SLC67A1: variants seen among roughly 807,000 people sequenced by gnomAD.
The protein encoded by SLC67A1 is solute carrier family 67 member 1.
chr11:2,921,248 A>AC, the SLC67A1 span: 2 of 147,216 alleles, frequency 1.4e-5, no homozygotes, highest in Non-Finnish European at 3.0e-5. Context: ...AAAAAAAAAA[A>AC]GGTGTTAAAA....
At chr11:2,904,417 C>T in the SLC67A1 span, among the ~76,000 whole-genome samples, 1 of 152,254 alleles carries the variant, frequency 6.6e-6, no homozygotes, top group Non-Finnish European at 1.5e-5. Context: ...CCCGCCCACT[C>T]CTGCTAAATG....
At chr11:2,912,208 G>A in the SLC67A1 span, among the ~76,000 whole-genome samples, 1 of 152,218 alleles carries the variant, frequency 6.6e-6, no homozygotes, top group African/African-American at 2.4e-5. Context: ...GGAGGGCTGC[G>A]GGGTTGACCT....
At chr11:2,917,807 A>C in the SLC67A1 span, among the ~76,000 whole-genome samples, 6,634 of 152,306 alleles carry the variant, frequency 0.044, 210 homozygotes, top group South Asian at 0.11. Context: ...GCGGTGCCCA[A>C]CCTGGCAGCT....
At chr11:2,908,335 A>AGTGT in the SLC67A1 span, 4 of 1,573,892 alleles carry the variant, frequency 2.5e-6, no homozygotes, top group Non-Finnish European at 3.5e-6. Context: ...TGGCAGGTAC[A>AGTGT]GTGTGTGTGT....
chr11:2,909,699 C>G, the SLC67A1 span: 12 of 1,538,324 alleles, frequency 7.8e-6, no homozygotes, highest in Admixed American at 9.8e-5. Flanking sequence ...GGACCCTGGT[C>G]TCCGCGTACG....
the SLC67A1 span, among the ~76,000 whole-genome samples, chr11:2,904,482 C>G: frequency 3.9e-5 from 6 of 152,246 alleles, no homozygotes; most frequent in African/African-American, 1.4e-4. Context: ...TGGGCAGGAG[C>G]CTTGCTTTTC....
the SLC67A1 span, chr11:2,908,197 C>T: frequency 2.3e-5 from 33 of 1,413,036 alleles, no homozygotes; most frequent in Middle Eastern, 1.8e-4. Flanking sequence ...TGCAGTCTTT[C>T]CCAGCCCCTC....
chr11:2,914,808 G>A, the SLC67A1 span: 4 of 985,306 alleles, frequency 4.1e-6, no homozygotes, highest in Admixed American at 6.1e-5. Flanking sequence ...GCTGTGACAC[G>A]CAGGCCTCTG....
the SLC67A1 span, among the ~76,000 whole-genome samples, chr11:2,908,844 G>A: frequency 6.6e-6 from 1 of 152,196 alleles, no homozygotes; most frequent in East Asian, 1.9e-4. Context: ...CAGAACAGAA[G>A]GGAGAAAGGC....
the SLC67A1 span, chr11:2,915,156 G>A: frequency 1.0e-6 from 1 of 985,250 alleles, no homozygotes; most frequent in East Asian, 1.1e-4. Context: ...AGAAATGAGG[G>A]GTGGCCAATG....
chr11:2,919,382 T>A, the SLC67A1 span: 1 of 1,613,764 alleles, frequency 6.2e-7, no homozygotes, highest in South Asian at 1.1e-5. Flanking sequence ...GGCTACCTCA[T>A]GTCCTTCTTC....
At chr11:2,910,657 G>C in the SLC67A1 span, among the ~76,000 whole-genome samples, 2 of 152,170 alleles carry the variant, frequency 1.3e-5, no homozygotes, top group Non-Finnish European at 1.5e-5. Context: ...CGGCCGAGGT[G>C]GGGGAGGACA....
chr11:2,907,732 G>A, the SLC67A1 span, among the ~76,000 whole-genome samples: 1 of 152,174 alleles, frequency 6.6e-6, no homozygotes. This position sits in a 1 kb window ranked among gnomAD's most constrained non-coding sequence, Gnocchi z 6.7. Flanking sequence ...AATTAGGGCA[G>A]GATATAAGGG....
At chr11:2,909,935 C>G in the SLC67A1 span, 5 of 479,268 alleles carry the variant, frequency 1.0e-5, 1 homozygote, top group South Asian at 1.6e-4. Context: ...CTGTCCGGGG[C>G]GCGACTGGAC....
the SLC67A1 span, chr11:2,908,439 G>C: frequency 2.7e-6 from 2 of 746,500 alleles, no homozygotes; most frequent in Non-Finnish European, 4.3e-6. Context: ...GGACCCCCCT[G>C]GGATGACGGC....
chr11:2,919,400 T>A, the SLC67A1 span: 1 of 1,613,066 alleles, frequency 6.2e-7, no homozygotes, highest in Admixed American at 1.7e-5. Context: ...TTCGGGCTCC[T>A]CCAGATGGTG....
chr11:2,922,974 A>T, the SLC67A1 span, among the ~76,000 whole-genome samples: 1 of 152,178 alleles, frequency 6.6e-6, no homozygotes, highest in Non-Finnish European at 1.5e-5. Context: ...GAATGAATGC[A>T]TACCAGTAAT....
chr11:2,908,389 G>A, the SLC67A1 span: 202 of 1,329,134 alleles, frequency 1.5e-4, 2 homozygotes, highest in South Asian at 2.4e-3. Flanking sequence ...CCTCTCAGAC[G>A]CCATGGGCTC....
the SLC67A1 span, among the ~76,000 whole-genome samples, chr11:2,906,148 T>C: frequency 0.56 from 85,714 of 152,058 alleles, 24,904 homozygotes; most frequent in East Asian, 0.91. Flanking sequence ...ATCAGAGAAA[T>C]GCAAGTCAAA....
Sources: gnomAD v4.1 joint callset for allele counts (sites outside exome capture counted in the v4.1 genomes callset) on GRCh38, gnomAD v4.1.1 for gene constraint, Gnocchi (gnomAD v3.1) non-coding constraint, MANE v1.5 for transcripts, NCBI Gene and HGNC (gene_info 2026-07-23, HGNC 2026-07-21) for gene names.